The following MXI1 variants were observed in gnomAD, a reference collection of about 807,000 sequenced individuals.
MXI1 encodes the protein MAX interactor 1, dimerization protein.
A neutral mutation model predicts 36.9 loss-of-function variants in MXI1; 18 were observed. The ratio of observed to expected loss-of-function variants is 0.49; its 90% CI spans 0.34 to 0.72. The LOEUF is 0.72. Ranked by LOEUF, MXI1 falls within the 30% of genes least tolerant of loss-of-function variation. MXI1 has a pLI of 0.01. For missense variants in MXI1, 304 were observed against 379.1 expected, an observed-to-expected ratio of 0.80 and a Z score of 1.64; for synonymous variants, 160 against 146.7, an observed-to-expected ratio of 1.09 and a Z score of -0.65.
Position 110,228,304 on chromosome 10 carries a change from C to T in MXI1, c.390C>T (p.Asn130=), listed in dbSNP as rs1032422533. The T allele has an allele frequency of 1.9e-6, 3 of 1,614,046 alleles. No individual in the cohort carries two copies. The highest frequency in any genetic ancestry group is 2.7e-5 in the African/African-American group (2 of 74,910). ...AGAAACACAGCAGCGGGAGCAGCAA[C>T]ACCAGCACTGCCAACAGGTAGCAAG... is the stretch of plus-strand genomic sequence containing the variant. ...RAQKHSSGSS[N]TSTANRSTHN... Residue 130 remains asparagine (N), a synonymous_variant, in exon 2 of 6, where the codon AAC becomes AAT. Transcript: ENST00000332674.
chr10:110,210,764 C>G (rs1434674215), intron 1 of MXI1, among the ~76,000 whole-genome samples: 2 of 152,238 alleles, frequency 1.3e-5, no homozygotes, highest in African/African-American at 4.8e-5. Context: ...GTTTTCTGCT[C>G]GCTGCACACA....
intron 5 of MXI1, among the ~76,000 whole-genome samples, chr10:110,280,562 C>A (rs932487713): frequency 1.3e-5 from 2 of 151,834 alleles, no homozygotes; most frequent in African/African-American, 4.8e-5. Context: ...CGCCTGTAGT[C>A]CTAGCTACTC....
Position 110,287,286 on chromosome 10 carries a change from A to T in MXI1, c.*2299A>T. 6.6e-6 allele frequency: 1 copy of T among 151,830 alleles called. No homozygotes were observed. Among genetic ancestry groups the T allele is most frequent in the South Asian group, 2.1e-4 (1 of 4,802 alleles). The allele number at this position is 151,830 out of a possible 1,614,324, so 9.4% of individuals were successfully genotyped here. A position where few individuals can be genotyped will look rare whatever the true frequency, so the allele number is the denominator to read the frequency against. ...GGGTGGTGTAGATTGTATGAGTAAG[A>T]AGTATTAATTTTTTAAAAGACAAAT... On this transcript the variant is annotated 3_prime_UTR_variant, in exon 6 of 6. Transcript: ENST00000332674.
At chr10:110,278,824 C>T (rs1014117764) in intron 3 of MXI1, among the ~76,000 whole-genome samples, 2 of 152,100 alleles carry the variant, frequency 1.3e-5, no homozygotes, top group Non-Finnish European at 2.9e-5. Flanking sequence ...GAAAACCTCT[C>T]CTCTCGCCTG....
intron 1 of MXI1, chr10:110,227,345 T>TGC (rs1272399382): frequency 1.1e-5 from 11 of 976,190 alleles, no homozygotes; most frequent in Non-Finnish European, 1.3e-5. Flanking sequence ...GAGGTGTGTG[T>TGC]GCTGAGATCG....
At chr10:110,258,599 G>A (rs991534672) in intron 3 of MXI1, among the ~76,000 whole-genome samples, 11 of 152,042 alleles carry the variant, frequency 7.2e-5, no homozygotes, top group African/African-American at 2.4e-4. Context: ...AATTTCTATA[G>A]GGATAGGAAT....
intron 3 of MXI1, among the ~76,000 whole-genome samples, chr10:110,258,519 A>G (rs574435392): frequency 6.6e-6 from 1 of 152,314 alleles, no homozygotes; most frequent in East Asian, 1.9e-4. Context: ...GAAGAACAGT[A>G]TCATTTATCA....
intron 3 of MXI1, among the ~76,000 whole-genome samples, chr10:110,249,259 A>G (rs1402636011): frequency 6.6e-6 from 1 of 152,156 alleles, no homozygotes; most frequent in Non-Finnish European, 1.5e-5. Flanking sequence ...GAAGTAATTC[A>G]TATTCCTTAA....
At position 110,287,095 on chromosome 10, in the gene MXI1, T is replaced by C. The variant is rs935421407; in HGVS notation, c.*2108T>C. 1 of 152,244 alleles carries C rather than the reference T, an allele frequency of 6.6e-6. No individual in the cohort carries two copies. The highest frequency in any genetic ancestry group is 2.4e-5 in the African/African-American group (1 of 41,466). 9.4% of individuals were successfully genotyped at this position (152,244 alleles called of 1,614,324 possible). A position where few individuals can be genotyped will look rare whatever the true frequency, so the allele number is the denominator to read the frequency against. On this transcript the variant is annotated 3_prime_UTR_variant, in exon 6 of 6. Coordinates refer to ENST00000332674, the MANE Select transcript of MXI1 (RefSeq NM_130439.3). Reference sequence around the variant, plus strand: ...GACTAAGCTTCTGTTTGTTTTGTTATTCTCATGGCCTTCGCTTGCATTATT... The same window carrying C: ...GACTAAGCTTCTGTTTGTTTTGTTACTCTCATGGCCTTCGCTTGCATTATT...
At chr10:110,244,473 T>C (rs963863010) in intron 2 of MXI1, among the ~76,000 whole-genome samples, 1 of 151,776 alleles carries the variant, frequency 6.6e-6, no homozygotes, top group African/African-American at 2.4e-5. Context: ...CTTTTTTTTT[T>C]CCTTTTTAAA....
At chr10:110,279,814 C>A in intron 4 of MXI1, 100 bp from the exon 5 acceptor site, 1 of 775,446 alleles carries the variant, frequency 1.3e-6, no homozygotes, top group Non-Finnish European at 1.9e-6. Context: ...TACACACTCA[C>A]ACATGTATAT....
intron 3 of MXI1, among the ~76,000 whole-genome samples, chr10:110,252,741 A>G (rs1856143283): frequency 6.6e-6 from 1 of 152,172 alleles, no homozygotes; most frequent in African/African-American, 2.4e-5. Flanking sequence ...AAAAAATGAT[A>G]TGTGATAGTA....
At chr10:110,231,875 C>G (rs1026243911) in intron 2 of MXI1, among the ~76,000 whole-genome samples, 1 of 152,216 alleles carries the variant, frequency 6.6e-6, no homozygotes, top group Admixed American at 6.5e-5. Context: ...AGTCGGCCTT[C>G]TTTCCTGTTA....
intron 3 of MXI1, among the ~76,000 whole-genome samples, chr10:110,260,493 T>C (rs2134428720): frequency 6.8e-6 from 1 of 148,070 alleles, no homozygotes; most frequent in Non-Finnish European, 1.5e-5. Flanking sequence ...ATATAACACT[T>C]GAGACACACA....
intron 1 of MXI1, among the ~76,000 whole-genome samples, chr10:110,218,391 A>C (rs1333807931): frequency 1.3e-5 from 2 of 151,120 alleles, no homozygotes; most frequent in African/African-American, 4.9e-5. Flanking sequence ...CGGTGCTTGC[A>C]GTGAGCCGAG....
rs11195043 is a variant in MXI1 at position 110,249,093 on chromosome 10, G to A, written c.437+4236G>A. On this transcript the variant is annotated intron_variant, in intron 3 of 5. Transcript: ENST00000332674. ...TACCAAGGCATCATTTTTATTTGAC[G>A]TGTTAAACAAAGAAAAGTTATTCTA... 2.3e-3 allele frequency among the ~76,000 whole-genome samples: 346 copies of A among 152,116 alleles called. 13 individuals are homozygous for A. The East Asian group carries it at 0.047, about 21-fold the overall frequency.
Position 110,226,400 on chromosome 10 carries a change from G to T in MXI1, c.275-1789G>T. 4 of 1,147,414 alleles carry T rather than the reference G, an allele frequency of 3.5e-6. No individual in the cohort carries two copies. The South Asian group carries it at 7.9e-5, about 23-fold the overall frequency. 71.1% of individuals were successfully genotyped at this position (1,147,414 alleles called of 1,614,324 possible). A position where few individuals can be genotyped will look rare whatever the true frequency, so the allele number is the denominator to read the frequency against. ...TGCGCGCATGAGGTGAGGTGTGCGC[G>T]CATGTGAGGGGAGGGGTGTGCGCGC... On this transcript the variant is annotated intron_variant, in intron 1 of 5. Transcript: ENST00000332674.
intron 3 of MXI1, among the ~76,000 whole-genome samples, chr10:110,255,922 A>G (rs1390443007): frequency 1.3e-5 from 2 of 152,232 alleles, no homozygotes; most frequent in Non-Finnish European, 2.9e-5. Context: ...AAATCTCACT[A>G]TAAAACTATA....
chr10:110,214,477 G>T (rs1252081879), intron 1 of MXI1, among the ~76,000 whole-genome samples: 1 of 151,754 alleles, frequency 6.6e-6, no homozygotes, highest in Non-Finnish European at 1.5e-5. Flanking sequence ...TGGGGCTGTT[G>T]CTATGGTACT....
Sources: gnomAD v4.1 joint callset for allele counts (sites outside exome capture counted in the v4.1 genomes callset) on GRCh38, gnomAD v4.1.1 for gene constraint, MANE v1.5 for transcripts, NCBI Gene and HGNC (gene_info 2026-07-23, HGNC 2026-07-21) for gene names.